SLC22A9: variants seen among roughly 807,000 people sequenced by gnomAD.
The protein encoded by SLC22A9 is organic anion transporter 7.
SLC22A9 carries 64 observed loss-of-function variants against 50.1 expected under a neutral mutation model. That is an observed-to-expected ratio of 1.28 (90% CI 1.04 to 1.57). The LOEUF (loss-of-function observed/expected upper bound fraction) is 1.57, where lower values mean the gene tolerates loss of function less well. SLC22A9 is among the 40% of genes most tolerant of loss of function. SLC22A9 has a pLI of 0.00. For synonymous variants in SLC22A9, 261 were observed against 242.5 expected, an observed-to-expected ratio of 1.08 and a Z score of -0.71; for missense variants, 757 against 676.1, an observed-to-expected ratio of 1.12 and a Z score of -1.33.
At chr11:63,401,885 GT>G (rs1359180294) in intron 6 of SLC22A9, among the ~76,000 whole-genome samples, 1 of 152,016 alleles carries the variant, frequency 6.6e-6, no homozygotes, top group African/African-American at 2.4e-5. Context: ...TTATATGCTT[GT>G]TGGCCATGTG....
intron 6 of SLC22A9, among the ~76,000 whole-genome samples, chr11:63,386,357 A>G (rs755474844): frequency 2.0e-5 from 3 of 148,678 alleles, no homozygotes; most frequent in Non-Finnish European, 3.0e-5. Context: ...ATTGTTTGGA[A>G]TAGTTTCAGA....
Position 63,371,227 on chromosome 11 carries a change from T to A in SLC22A9, c.495T>A (p.His165Gln). The A allele has an allele frequency of 6.2e-7, 1 of 1,612,410 alleles. No homozygotes were observed. The highest frequency in any genetic ancestry group is 8.5e-7 in the Non-Finnish European group (1 of 1,178,746). Residue 165 changes from histidine to glutamine, a missense_variant, in exon 2 of 10, where the codon CAT (histidine) becomes CAA (glutamine). Coordinates refer to ENST00000279178, the MANE Select transcript of SLC22A9 (RefSeq NM_080866.3). Reference protein sequence around the residue: ...GMMVGGILGGHLSDRFGRRFV... With the variant: ...GMMVGGILGGQLSDRFGRRFV... ...TGGTGGGAGGCATCCTAGGCGGTCA[T>A]TTATCAGACAGGTGAGTGTGTATGG...
rs752100546 is a variant in SLC22A9 at position 63,375,761 on chromosome 11, C to A, written c.947C>A (p.Thr316Asn). ...SGMKNARDTL[T>N]LEILKSTMKK... ...ATGAAGAATGCCAGAGACACCCTAA[C>A]CCTGGAGGTGAGCTGGATGGGAGCT... The change falls in exon 5 of 10, where the codon ACC becomes AAC. Residue 316 changes from threonine to asparagine, a missense_variant. Thr to Asn is a moderately conservative substitution (Grantham distance 65). Transcript: ENST00000279178. 3 of 1,611,682 alleles carry A rather than the reference C, an allele frequency of 1.9e-6. No individual in the cohort carries two copies. The highest frequency in any genetic ancestry group is 2.5e-6 in the Non-Finnish European group (3 of 1,178,466).
chr11:63,380,503 G>C (rs2014541315), intron 5 of SLC22A9, among the ~76,000 whole-genome samples: 1 of 152,088 alleles, frequency 6.6e-6, no homozygotes, highest in African/African-American at 2.4e-5. Context: ...ATACTAAGCA[G>C]CCAAAAAAAG....
In SLC22A9 at chr11:63,370,541, A is replaced by G; in HGVS notation, c.402+83A>G. 3 of 1,452,300 alleles carry G rather than the reference A, an allele frequency of 2.1e-6. No individual in the cohort carries two copies. In the East Asian group the frequency reaches 7.0e-5, roughly 34 times the overall value. The allele number at this position is 1,452,300 out of a possible 1,614,324, so 90.0% of individuals were successfully genotyped here. On this transcript the variant is annotated intron_variant, in intron 1 of 9. Coordinates refer to ENST00000279178, the MANE Select transcript of SLC22A9 (RefSeq NM_080866.3). ...AGTAATAATCATGCTTCCAGCCTTC[A>G]GTCACATGTAGGTCCTTAGTCTTCA...
At chr11:63,378,444 A>C (rs1303995171) in intron 5 of SLC22A9, among the ~76,000 whole-genome samples, 1 of 152,138 alleles carries the variant, frequency 6.6e-6, no homozygotes. Flanking sequence ...ACCTGGAAGC[A>C]GTCCCCTTGA....
intron 8 of SLC22A9, 106 bp from the exon 9 acceptor site, chr11:63,408,570 C>A: frequency 2.0e-6 from 2 of 1,001,158 alleles, no homozygotes; most frequent in Non-Finnish European, 3.0e-6. Flanking sequence ...ATTTCATCAC[C>A]TCTGTGTGTC....
Position 63,370,010 on chromosome 11 carries a change from G to A in SLC22A9, c.-47G>A, listed in dbSNP as rs772190408. ...ACATTTTCCCTCTTTGAACCTCTCT[G>A]GATACAGTCATTTTGCCTCTACTTG... On this transcript the variant is annotated 5_prime_UTR_variant, in exon 1 of 10. Coordinates refer to ENST00000279178, the MANE Select transcript of SLC22A9 (RefSeq NM_080866.3). 2.6e-5 allele frequency: 40 copies of A among 1,565,844 alleles called. No individual in the cohort carries two copies. Among genetic ancestry groups the A allele is most frequent in the Non-Finnish European group, 2.7e-5 (31 of 1,154,006 alleles).
chr11:63,407,255 C>G (rs1352641033), intron 7 of SLC22A9, among the ~76,000 whole-genome samples: 2 of 152,124 alleles, frequency 1.3e-5, no homozygotes, highest in East Asian at 3.9e-4. Context: ...ATGTAAAGAA[C>G]TGTACAGTAG....
At chr11:63,391,573 T>C (rs945053128) in intron 6 of SLC22A9, among the ~76,000 whole-genome samples, 1 of 152,094 alleles carries the variant, frequency 6.6e-6, no homozygotes, top group Non-Finnish European at 1.5e-5. Context: ...ACCTTCTTTG[T>C]CTCTTTTTAG....
rs186910055 is a variant in SLC22A9, at chr11:63,395,688, G to T, written c.1074-10809G>T. ...GGTTTAATGTTCTATTTTTGTGCTG[G>T]TTGGCCTCCTGGCTGGGGGTGGCAC... On this transcript the variant is annotated intron_variant, in intron 6 of 9. Transcript: ENST00000279178. Among the ~76,000 whole-genome samples the T allele has an allele frequency of 3.3e-5, 5 of 152,312 alleles. No individual in the cohort carries two copies. The East Asian group carries it at 9.6e-4, about 29-fold the overall frequency.
At chr11:63,372,910 C>T (rs2014387773) in intron 2 of SLC22A9, among the ~76,000 whole-genome samples, 2 of 152,030 alleles carry the variant, frequency 1.3e-5, no homozygotes, top group Admixed American at 1.3e-4. Flanking sequence ...TTGATCATAT[C>T]ATCTGCAAGG....
intron 6 of SLC22A9, among the ~76,000 whole-genome samples, chr11:63,390,309 GT>G (rs1461027361): frequency 6.6e-6 from 1 of 152,080 alleles, no homozygotes; most frequent in African/African-American, 2.4e-5. Context: ...ATGGTTTTTG[GT>G]TTTACATTTA....
chr11:63,386,970 T>C (rs376853814), intron 6 of SLC22A9, among the ~76,000 whole-genome samples: 15 of 152,102 alleles, frequency 9.9e-5, no homozygotes, highest in African/African-American at 3.4e-4. Context: ...TCTCCAGTTC[T>C]TTTAGTTGTG....
intron 6 of SLC22A9, among the ~76,000 whole-genome samples, chr11:63,394,000 C>A (rs1404528474): frequency 6.6e-6 from 1 of 152,054 alleles, no homozygotes; most frequent in Non-Finnish European, 1.5e-5. Flanking sequence ...CCTTTTCATT[C>A]TTTTTTCTCT....
At chr11:63,396,124 A>C (rs637143) in intron 6 of SLC22A9, among the ~76,000 whole-genome samples, 89,283 of 151,866 alleles carry the variant, frequency 0.59, 28,422 homozygotes, top group Non-Finnish European at 0.73. Flanking sequence ...TCCCCAGGCT[A>C]CCCACCTCCC....
Position 63,375,705 on chromosome 11 carries a change from G to A in SLC22A9, c.891G>A (p.Lys297=). The A allele has an allele frequency of 6.2e-7, 1 of 1,612,830 alleles. No individual in the cohort carries two copies. Among genetic ancestry groups the A allele is most frequent in the South Asian group, 1.1e-5 (1 of 91,044 alleles). Residue 297 remains lysine, a synonymous_variant, in exon 5 of 10, where the codon AAG becomes AAA. Transcript: ENST00000279178. ...ACAATAAACCAGAGGAAGGCTTAAAGGAACTTAGAAAAGCTGCACACAGGA... is the reference window on the plus strand; with the variant it reads ...ACAATAAACCAGAGGAAGGCTTAAAAGAACTTAGAAAAGCTGCACACAGGA... ...IINNKPEEGL[K]ELRKAAHRSG...
chr11:63,387,953 T>C (rs2014697935), intron 6 of SLC22A9, among the ~76,000 whole-genome samples: 1 of 152,106 alleles, frequency 6.6e-6, no homozygotes, highest in African/African-American at 2.4e-5. Context: ...GATGGTTCCT[T>C]ATTGGCATAT....
intron 6 of SLC22A9, among the ~76,000 whole-genome samples, chr11:63,404,312 G>A (rs542296737): frequency 3.3e-5 from 5 of 152,034 alleles, no homozygotes; most frequent in Non-Finnish European, 5.9e-5. Context: ...CAGGGACAGC[G>A]GACAGAGGGG....
Sources: gnomAD v4.1 joint callset for allele counts (sites outside exome capture counted in the v4.1 genomes callset) on GRCh38, gnomAD v4.1.1 for gene constraint, MANE v1.5 for transcripts, NCBI Gene and HGNC (gene_info 2026-07-23, HGNC 2026-07-21) for gene names.